Variants in FBXL20 observed in about 807,000 individuals in gnomAD.
FBXL20 encodes the protein F-box and leucine rich repeat protein 20, also known as F-box/LRR-repeat protein 20.
In FBXL20, 11 loss-of-function variants were observed where a neutral mutation model predicts 64.0. The observed-to-expected ratio is 0.17, with a 90% confidence interval of 0.11 to 0.28. FBXL20 has a LOEUF of 0.28. Ranked by LOEUF, FBXL20 falls within the 10% of genes least tolerant of loss-of-function variation. FBXL20 has a pLI of 1.00. For synonymous variants in FBXL20, 184 were observed against 189.0 expected, an observed-to-expected ratio of 0.97 and a Z score of 0.22; for missense variants, 303 against 526.2, an observed-to-expected ratio of 0.58 and a Z score of 4.15.
At chr17:39,270,768 A>G (rs1236565022) in intron 11 of FBXL20, 28 bp downstream of exon 11, 2 of 1,573,136 alleles carry the variant, frequency 1.3e-6, no homozygotes, top group South Asian at 2.3e-5. Flanking sequence ...ATGGAAACAA[A>G]CCTATGGAAC....
intron 7 of FBXL20, among the ~76,000 whole-genome samples, chr17:39,283,448 T>C (rs182064756): frequency 9.9e-5 from 15 of 152,238 alleles, no homozygotes; most frequent in Non-Finnish European, 1.5e-4. Context: ...CTTTCTTTTT[T>C]TTTTTGAGAC....
chr17:39,297,645 C>G (rs1261150007), intron 5 of FBXL20: 1 of 154,360 alleles, frequency 6.5e-6, no homozygotes, highest in Non-Finnish European at 1.4e-5. Context: ...GTGCCTGGGA[C>G]CCTTCTAGAC....
Position 39,259,013 on chromosome 17 carries a change from A to T in FBXL20, c.*2447T>A, listed in dbSNP as rs1457102461. The T allele has an allele frequency of 6.6e-6, 1 of 152,232 alleles. No individual in the cohort carries two copies. The highest frequency in any genetic ancestry group is 1.5e-5 in the Non-Finnish European group (1 of 68,044). The allele number at this position is 152,232 out of a possible 1,614,324, so 9.4% of individuals were successfully genotyped here. On this transcript the variant is annotated 3_prime_UTR_variant, in exon 15 of 15. Transcript: ENST00000264658. ...GTAATCTGCGTTTTTAAAGCGGCAC[A>T]ATAAAACAGGATTTAAAATAAATTT...
At chr17:39,308,810 C>A (rs2144475808) in intron 2 of FBXL20, among the ~76,000 whole-genome samples, 2 of 152,112 alleles carry the variant, frequency 1.3e-5, no homozygotes, top group Middle Eastern at 6.8e-3. Flanking sequence ...CCTGATCCAC[C>A]CGCCTCAGCC....
intron 2 of FBXL20, among the ~76,000 whole-genome samples, chr17:39,331,411 ATTTTTTTGTAGATACAGGCTACTACTCT>A (rs2144539224): frequency 6.6e-6 from 1 of 151,978 alleles, no homozygotes; most frequent in South Asian, 2.1e-4. Flanking sequence ...TAATTTTTGT[ATTTTTTTGTAGATACAGGCTACTACTCT>A]TTAAGTCACA....
intron 2 of FBXL20, among the ~76,000 whole-genome samples, chr17:39,313,901 C>T (rs1162280293): frequency 6.6e-6 from 1 of 152,242 alleles, no homozygotes; most frequent in Non-Finnish European, 1.5e-5. Context: ...TCTCAAAGTG[C>T]TGGGATTACA....
chr17:39,398,040 C>CGGGGGGGGGGGG (rs56842905), intron 1 of FBXL20, among the ~76,000 whole-genome samples: 2 of 56,714 alleles, frequency 3.5e-5, no homozygotes, highest in African/African-American at 5.4e-5. Context: ...GGCCGGCGGG[C>CGGGGGGGGGGGG]GGGGGGGGGG....
At chr17:39,361,406 A>G in intron 1 of FBXL20, among the ~76,000 whole-genome samples, 1 of 152,204 alleles carries the variant, frequency 6.6e-6, no homozygotes, top group South Asian at 2.1e-4. Context: ...CACAGTTTGC[A>G]AAGAACTGAG....
intron 1 of FBXL20, among the ~76,000 whole-genome samples, chr17:39,376,326 T>C (rs146891636): frequency 0.021 from 3,261 of 152,194 alleles, 49 homozygotes; most frequent in Non-Finnish European, 0.032. Context: ...AAAATATTTA[T>C]AGGCAAATGT....
chr17:39,365,176 AG>A (rs2047847468), intron 1 of FBXL20, among the ~76,000 whole-genome samples: 1 of 152,210 alleles, frequency 6.6e-6, no homozygotes, highest in African/African-American at 2.4e-5. Flanking sequence ...AAGCTGCAGA[AG>A]ATTTTTTAAA....
chr17:39,365,534 C>G (rs530682167), intron 1 of FBXL20, among the ~76,000 whole-genome samples: 26 of 152,142 alleles, frequency 1.7e-4, no homozygotes, highest in Admixed American at 5.2e-4. Context: ...GCTTTGGACA[C>G]CTTCTAACAT....
intron 6 of FBXL20, among the ~76,000 whole-genome samples, chr17:39,291,610 T>G (rs2047040456): frequency 6.6e-6 from 1 of 151,838 alleles, no homozygotes; most frequent in South Asian, 2.1e-4. Flanking sequence ...ATTTTTCGAA[T>G]TTTTAGTAGA....
chr17:39,319,213 C>T (rs1237629092), intron 2 of FBXL20, among the ~76,000 whole-genome samples: 1 of 151,788 alleles, frequency 6.6e-6, no homozygotes, highest in African/African-American at 2.4e-5. Flanking sequence ...CGCATCACTG[C>T]ACTCCAGCCT....
chr17:39,270,168 C>T (rs1381466280), intron 11 of FBXL20, among the ~76,000 whole-genome samples: 2 of 152,200 alleles, frequency 1.3e-5, no homozygotes, highest in African/African-American at 4.8e-5. Context: ...ATCCACTAGT[C>T]ATGTACCAAA....
chr17:39,328,899 T>C (rs2047434798), intron 2 of FBXL20, among the ~76,000 whole-genome samples: 1 of 151,936 alleles, frequency 6.6e-6, no homozygotes. Context: ...ACAAAAAATT[T>C]AAAAATTAGC....
rs1444856379 is a variant in FBXL20, at chr17:39,255,823, C to T, written c.*5637G>A. 1 of 140,400 alleles carries T rather than the reference C, an allele frequency of 7.1e-6. No individual in the cohort carries two copies. The highest frequency in any genetic ancestry group is 1.6e-5 in the Non-Finnish European group (1 of 63,424). The allele number at this position is 140,400 out of a possible 1,614,324, so 8.7% of individuals were successfully genotyped here. A position where few individuals can be genotyped will look rare whatever the true frequency, so the allele number is the denominator to read the frequency against. ...CACTATTGCACTCCAGCCTGGGCAACAAGAAAAAAAAAAAAAGTTTATCCC... is the reference window on the plus strand; with the variant it reads ...CACTATTGCACTCCAGCCTGGGCAATAAGAAAAAAAAAAAAAGTTTATCCC... On this transcript the variant is annotated 3_prime_UTR_variant, in exon 15 of 15. Coordinates refer to ENST00000264658, the MANE Select transcript of FBXL20 (RefSeq NM_032875.3).
chr17:39,261,594 T>A (rs2144330798), intron 14 of FBXL20, 27 bp from the exon 15 acceptor site: 3 of 1,527,448 alleles, frequency 2.0e-6, no homozygotes, highest in Non-Finnish European at 2.7e-6. Context: ...ACATTAAACG[T>A]TTAAGAGAGG....
intron 2 of FBXL20, among the ~76,000 whole-genome samples, chr17:39,309,569 G>A (rs1021928315): frequency 3.3e-5 from 5 of 152,036 alleles, no homozygotes; most frequent in South Asian, 2.1e-4. Context: ...GCAATGGTGC[G>A]AGACAGCTGG....
intron 2 of FBXL20, among the ~76,000 whole-genome samples, chr17:39,333,971 T>TACCC (rs2047493579): frequency 1.3e-5 from 2 of 152,178 alleles, no homozygotes; most frequent in Non-Finnish European, 2.9e-5. Context: ...CTGGGAGGTA[T>TACCC]ACCCAACAGC....
Sources: gnomAD v4.1 joint callset for allele counts (sites outside exome capture counted in the v4.1 genomes callset) on GRCh38, gnomAD v4.1.1 for gene constraint, MANE v1.5 for transcripts, NCBI Gene and HGNC (gene_info 2026-07-23, HGNC 2026-07-21) for gene names.